Variants in IKBKE observed in about 807,000 individuals in gnomAD.
IKBKE encodes the protein inhibitor of nuclear factor kappa-B kinase subunit epsilon.
A neutral mutation model predicts 92.1 loss-of-function variants in IKBKE; 45 were observed. That is an observed-to-expected ratio of 0.49 (90% CI 0.38 to 0.63). IKBKE has a LOEUF of 0.63. IKBKE is among the 20% of genes least tolerant of loss of function. IKBKE has a pLI of 0.00. For synonymous variants in IKBKE, 374 were observed against 380.3 expected (o/e 0.98, Z 0.19); for missense variants, 700 against 932.8 (o/e 0.75, Z 3.25).
rs1274014354 is a variant in IKBKE, at chr1:206,479,903, T to G, written c.1217T>G (p.Val406Gly). Residue 406 changes from valine to glycine, a missense_variant, in exon 11 of 22, where the codon GTG becomes GGG. Transcript: ENST00000581977. The part of the protein sequence containing the change: ...ALDVPKFVPK[V>G]DLQADYNTAK... ...GACGTCCCCAAGTTCGTCCCCAAAGTGGACCTGCAGGCGGATTACAACACT... is the reference window on the plus strand; with the variant it reads ...GACGTCCCCAAGTTCGTCCCCAAAGGGGACCTGCAGGCGGATTACAACACT... 1.9e-6 allele frequency: 3 copies of G among 1,613,786 alleles called. No individual in the cohort carries two copies. Among genetic ancestry groups the G allele is most frequent in the Non-Finnish European group, 2.5e-6 (3 of 1,179,942 alleles).
rs1399315851 is a variant in IKBKE, at chr1:206,479,923, A to T, written c.1237A>T (p.Asn413Tyr). Residue 413 changes from asparagine to tyrosine, a missense_variant, in exon 11 of 22, where the codon AAC (asparagine) becomes TAC (tyrosine). Coordinates refer to ENST00000581977, the MANE Select transcript of IKBKE (RefSeq NM_014002.4). ...VPKVDLQADY[N>Y]TAKGVLGAGY... ...CAAAGTGGACCTGCAGGCGGATTAC[A>T]ACACTGCCAAGGTGAGGGGCAACCC... 1 of 1,613,724 alleles carries T rather than the reference A, an allele frequency of 6.2e-7. No homozygotes were observed. The highest frequency in any genetic ancestry group is 1.3e-5 in the African/African-American group (1 of 74,838).
chr1:206,483,739 C>T (rs1553387813), intron 13 of IKBKE, among the ~76,000 whole-genome samples: 1 of 152,180 alleles, frequency 6.6e-6, no homozygotes, highest in Admixed American at 6.5e-5. Flanking sequence ...TAGGAGTACA[C>T]ATCCTTCTAG....
chr1:206,485,165 C>A lies in IKBKE; in HGVS notation c.1504-29C>A, dbSNP rs1483515385. On this transcript the variant is annotated intron_variant, in intron 14 of 21. Coordinates refer to ENST00000581977, the MANE Select transcript of IKBKE (RefSeq NM_014002.4). This position sits in a 1 kb window ranked among gnomAD's most constrained non-coding sequence, Gnocchi z 5.0. ...CCCACCAGTGCCCAGGCTGAAGACC[C>A]CACGGGGGTCTGCCTTTGTGCCCCA... 1 of 1,591,834 alleles carries A rather than the reference C, an allele frequency of 6.3e-7. No homozygotes were observed. Among genetic ancestry groups the A allele is most frequent in the Non-Finnish European group, 8.6e-7 (1 of 1,159,754 alleles).
intron 3 of IKBKE, among the ~76,000 whole-genome samples, chr1:206,473,960 C>CAAAAA (rs58205740): frequency 2.6e-4 from 16 of 62,226 alleles, no homozygotes; most frequent in African/African-American, 6.8e-4. Context: ...GGCTCCGTCT[C>CAAAAA]AAAAAAAAAA....
At position 206,493,044 on chromosome 1, in the gene IKBKE, C is replaced by G; in HGVS notation, c.1857C>G (p.Asn619Lys). 6.3e-7 allele frequency: 1 copy of G among 1,578,228 alleles called. No individual in the cohort carries two copies. The highest frequency in any genetic ancestry group is 1.3e-5 in the African/African-American group (1 of 74,380). ...KRMRVVHETR[N>K]HLRLVGCSVA... ...TGAGGGTGGTGCACGAGACCAGGAA[C>G]CACCTGCGCCTGGTTGGCTGTTCTG... Residue 619 changes from asparagine to lysine, a missense_variant, in exon 19 of 22, where the codon AAC becomes AAG. Asn to Lys is a moderately conservative substitution (Grantham distance 94). Transcript: ENST00000581977.
chr1:206,492,560 T>C (rs781960724), intron 18 of IKBKE: 12 of 471,798 alleles, frequency 2.5e-5, no homozygotes, highest in East Asian at 2.1e-4. Context: ...TGGCGAGGGC[T>C]GACCTCCAAC....
At position 206,487,635 on chromosome 1, in the gene IKBKE, C is replaced by G. The variant is rs1240832486; in HGVS notation, c.1617-279C>G. Among the ~76,000 whole-genome samples, 2 of 152,238 alleles carry G rather than the reference C, an allele frequency of 1.3e-5. No homozygotes were observed. Among genetic ancestry groups the G allele is most frequent in the East Asian group, 3.9e-4 (2 of 5,174 alleles). On this transcript the variant is annotated intron_variant, in intron 15 of 21. Coordinates refer to ENST00000581977, the MANE Select transcript of IKBKE (RefSeq NM_014002.4). This position sits in a 1 kb window ranked among gnomAD's most constrained non-coding sequence, Gnocchi z 5.3. Reference sequence around the variant, plus strand: ...GGCCACGTTCCTGTTGCCCGTCCTGCTTGGCTTCCTGTCTCTCTTATCTCC... The same window carrying G: ...GGCCACGTTCCTGTTGCCCGTCCTGGTTGGCTTCCTGTCTCTCTTATCTCC...
chr1:206,470,871 C>G (rs1431593102), intron 1 of IKBKE, among the ~76,000 whole-genome samples, 173 bp downstream of exon 1: 1 of 152,196 alleles, frequency 6.6e-6, no homozygotes, highest in East Asian at 1.9e-4. Flanking sequence ...CACAAGCCCT[C>G]CCTGGGCTCT....
rs781821296 is a variant in IKBKE at position 206,477,772 on chromosome 1, C to T, written c.725C>T (p.Pro242Leu). 30 of 1,566,592 alleles carry T rather than the reference C, an allele frequency of 1.9e-5. No individual in the cohort carries two copies. The highest frequency in any genetic ancestry group is 5.4e-5 in the African/African-American group (4 of 73,698). The change falls in exon 8 of 22, where the codon CCG becomes CTG. Residue 242 changes from proline (P) to leucine (L), a missense_variant. Physicochemically the swap from Pro to Leu is moderately conservative, Grantham distance 98 (BLOSUM62 -3). Transcript: ENST00000581977. ...AGGTACCGGATCACCACGGAGAAGC[C>T]GGCTGGGGCCATTGCAGGTGCCCAG... ...EIMYRITTEK[P>L]AGAIAGAQRR... is the part of the protein sequence containing the mutation.
chr1:206,491,099 T>C (rs1017511921), intron 17 of IKBKE: 3 of 580,794 alleles, frequency 5.2e-6, no homozygotes, highest in Non-Finnish European at 6.1e-6. Flanking sequence ...ACAAGACTGT[T>C]TGCAGGCTTT....
intron 13 of IKBKE, among the ~76,000 whole-genome samples, 161 bp downstream of exon 13, chr1:206,480,694 A>G (rs1322517783): frequency 1.3e-5 from 2 of 151,484 alleles, no homozygotes; most frequent in African/African-American, 4.9e-5. Context: ...CCTTATCCCC[A>G]CCTCACCAAA....
At chr1:206,475,391 G>A (rs1553384993) in intron 5 of IKBKE, among the ~76,000 whole-genome samples, 4 of 152,308 alleles carry the variant, frequency 2.6e-5, no homozygotes, top group South Asian at 2.1e-4. Context: ...GGTTTCCAGT[G>A]GCTGGGGGCA....
At chr1:206,472,653 G>A (rs569389471) in intron 2 of IKBKE, among the ~76,000 whole-genome samples, 11 of 152,090 alleles carry the variant, frequency 7.2e-5, no homozygotes, top group African/African-American at 2.4e-4. Context: ...TACTGGCCCG[G>A]CTGTCAGCTC....
rs1232704962 is a variant in IKBKE at position 206,496,594 on chromosome 1, C to A, written c.*449C>A. 1 of 242,836 alleles carries A rather than the reference C, an allele frequency of 4.1e-6. No individual in the cohort carries two copies. Among genetic ancestry groups the A allele is most frequent in the Non-Finnish European group, 8.0e-6 (1 of 124,342 alleles). The allele number at this position is 242,836 out of a possible 1,614,324, so 15.0% of individuals were successfully genotyped here. On this transcript the variant is annotated 3_prime_UTR_variant, in exon 22 of 22. Transcript: ENST00000581977. ...CCTCATCACAGTCTTCCTTCCTCTT[C>A]AAGCGTTTCATGTTGAACACAGCTC...
At chr1:206,483,030 A>G (rs1553387556) in intron 13 of IKBKE, among the ~76,000 whole-genome samples, 2 of 152,216 alleles carry the variant, frequency 1.3e-5, no homozygotes, top group African/African-American at 4.8e-5. Context: ...CCTTTGTCCC[A>G]AAGCTCCCTG....
intron 2 of IKBKE, among the ~76,000 whole-genome samples, chr1:206,471,533 C>T (rs1315382210): frequency 6.6e-6 from 1 of 152,204 alleles, no homozygotes; most frequent in African/African-American, 2.4e-5. Context: ...ATCCCAGAGT[C>T]CTGAGCTGTT....
intron 3 of IKBKE, 35 bp downstream of exon 3, chr1:206,473,349 C>T (rs782201353): frequency 1.3e-5 from 20 of 1,502,164 alleles, no homozygotes; most frequent in Non-Finnish European, 1.8e-5. Flanking sequence ...CTGTCCAGCC[C>T]AGCCTTGGCC....
intron 13 of IKBKE, among the ~76,000 whole-genome samples, chr1:206,484,471 C>T (rs1388410352): frequency 2.0e-5 from 3 of 152,124 alleles, no homozygotes; most frequent in African/African-American, 4.8e-5. Context: ...ACCTTGTCAC[C>T]GTGCAAATGC....
rs1665533487 is a variant in IKBKE, at chr1:206,484,110, A to ATTGTG, written c.1428-883_1428-882insGTTGT. 3.9e-4 allele frequency among the ~76,000 whole-genome samples: 47 copies of ATTGTG among 121,184 alleles called. 1 individual carries two copies. The South Asian group carries it at 0.013, about 32-fold the overall frequency. 79.5% of individuals were successfully genotyped at this position (121,184 alleles called of 152,430 possible). On this transcript the variant is annotated intron_variant, in intron 13 of 21. Coordinates refer to ENST00000581977, the MANE Select transcript of IKBKE (RefSeq NM_014002.4). ...TGGCTTTTATTTTGTATTGTATTGT[A>ATTGTG]TTGTATTGTATTGTATTGTATTGTA... is the stretch of plus-strand genomic sequence containing the variant.
Sources: allele counts gnomAD v4.1 joint callset (sites outside exome capture counted in the v4.1 genomes callset), GRCh38; gene constraint gnomAD v4.1.1; non-coding constraint Gnocchi (gnomAD v3.1); transcripts MANE v1.5; gene names NCBI Gene and HGNC (gene_info 2026-07-23, HGNC 2026-07-21).